The following PTPN5 variants were observed in gnomAD, a reference collection of about 807,000 sequenced individuals.
PTPN5 encodes the protein protein tyrosine phosphatase non-receptor type 5, also known as tyrosine-protein phosphatase non-receptor type 5.
In PTPN5, 29 loss-of-function variants were observed where a neutral mutation model predicts 73.9. The ratio of observed to expected loss-of-function variants is 0.39; its 90% confidence interval spans 0.29 to 0.54. The LOEUF (loss-of-function observed/expected upper bound fraction) is 0.54. Among genes scored for constraint, PTPN5 ranks in the 20% least tolerant of loss-of-function variants. The pLI is 0.65. For missense variants in PTPN5, 652 were observed against 751.4 expected, an observed-to-expected ratio of 0.87 and a Z score of 1.55; for synonymous variants, 267 against 304.7, an observed-to-expected ratio of 0.88 and a Z score of 1.29.
chr11:18,753,454 C>A (rs1209705336), intron 3 of PTPN5, among the ~76,000 whole-genome samples: 2 of 152,192 alleles, frequency 1.3e-5, no homozygotes, highest in African/African-American at 4.8e-5. Flanking sequence ...TAGTTTAATT[C>A]AATGGCTTCC....
rs774409617 is a variant in PTPN5, at chr11:18,729,589, G to A, written c.1491-23C>T. On this transcript the variant is annotated intron_variant, in intron 13 of 14. Coordinates refer to ENST00000358540, the MANE Select transcript of PTPN5 (RefSeq NM_006906.2). This position sits in a 1 kb window ranked among gnomAD's most constrained non-coding sequence, Gnocchi z 5.2. The stretch of plus-strand genomic sequence containing the variant: ...GCACTGAGGGCCGAGGGGACCGGTG[G>A]GGTGAGGGGCAGGGCAGCCCAGCGG... 3.2e-5 allele frequency: 51 copies of A among 1,574,056 alleles called. No homozygotes were observed. Among genetic ancestry groups the A allele is most frequent in the Non-Finnish European group, 4.1e-5 (48 of 1,156,812 alleles).
intron 2 of PTPN5, among the ~76,000 whole-genome samples, chr11:18,770,055 C>G (rs1030356674): frequency 1.3e-5 from 2 of 152,150 alleles, no homozygotes; most frequent in African/African-American, 4.8e-5. Context: ...AGTGGGGGAG[C>G]AGCAGCTTAC....
intron 3 of PTPN5, among the ~76,000 whole-genome samples, chr11:18,750,594 G>A (rs1362917636): frequency 2.6e-5 from 4 of 152,216 alleles, no homozygotes; most frequent in Non-Finnish European, 4.4e-5. Flanking sequence ...GATGGAGGGC[G>A]ATATAGGAGC....
At chr11:18,751,682 G>C (rs1404711408) in intron 3 of PTPN5, among the ~76,000 whole-genome samples, 1 of 152,180 alleles carries the variant, frequency 6.6e-6, no homozygotes, top group Non-Finnish European at 1.5e-5. Context: ...GGATGGGCGT[G>C]GGAAAAGGAA....
At chr11:18,730,174 G>A in intron 12 of PTPN5, 1 of 453,438 alleles carries the variant, frequency 2.2e-6, no homozygotes, top group South Asian at 5.2e-5. Context: ...ACATAACCCA[G>A]CCCCGGGACT....
At chr11:18,773,438 T>A (rs1851003989) in intron 1 of PTPN5, among the ~76,000 whole-genome samples, 1 of 151,970 alleles carries the variant, frequency 6.6e-6, no homozygotes, top group Non-Finnish European at 1.5e-5. Context: ...GAGGGCTGGA[T>A]CTCAGCCTGC....
chr11:18,763,448 T>G (rs1850491261), intron 3 of PTPN5, among the ~76,000 whole-genome samples: 1 of 152,222 alleles, frequency 6.6e-6, no homozygotes, highest in Admixed American at 6.5e-5. Flanking sequence ...CTTGGTCCTC[T>G]CATCTGTAAG....
chr11:18,730,098 C>A, intron 12 of PTPN5: 1 of 539,036 alleles, frequency 1.9e-6, no homozygotes, highest in South Asian at 2.6e-5. Context: ...AGAGCCCCTT[C>A]TCCAATTTAT....
At chr11:18,761,179 G>A (rs934779152) in intron 3 of PTPN5, among the ~76,000 whole-genome samples, 4 of 152,320 alleles carry the variant, frequency 2.6e-5, no homozygotes, top group African/African-American at 7.2e-5. Context: ...GCCTGCCCAC[G>A]AGTCTGCATG....
chr11:18,749,494 G>GGGGGTGGGGGC (rs756336602), intron 3 of PTPN5: 843 of 510,594 alleles, frequency 1.7e-3, no homozygotes, highest in East Asian at 2.7e-3. Context: ...AGGGTGGGGG[G>GGGGGTGGGGGC]CAGAACCTTG....
At chr11:18,753,696 C>T (rs550802037) in intron 3 of PTPN5, among the ~76,000 whole-genome samples, 1 of 152,254 alleles carries the variant, frequency 6.6e-6, no homozygotes, top group Non-Finnish European at 1.5e-5. Flanking sequence ...CTCACACAGT[C>T]CCCAAGGGAG....
At position 18,728,903 on chromosome 11, in the gene PTPN5, G is replaced by A. The variant is rs757252172; in HGVS notation, c.*31C>T. The stretch of plus-strand genomic sequence containing the variant: ...TGAGGGCCGAGACTCAGGCTGGGCA[G>A]TGCCCAGAGAACCTTGTAGGAGAAG... On this transcript the variant is annotated 3_prime_UTR_variant, in exon 15 of 15. Coordinates refer to ENST00000358540, the MANE Select transcript of PTPN5 (RefSeq NM_006906.2). The surrounding 1 kb of genome is among the most constrained non-coding windows in gnomAD (Gnocchi z 4.1). The A allele has an allele frequency of 1.3e-6, 2 of 1,597,296 alleles. No homozygotes were observed. The highest frequency in any genetic ancestry group is 1.1e-5 in the South Asian group (1 of 89,096).
intron 1 of PTPN5, among the ~76,000 whole-genome samples, chr11:18,784,606 G>A (rs971619523): frequency 6.6e-6 from 1 of 152,106 alleles, no homozygotes; most frequent in Non-Finnish European, 1.5e-5. Flanking sequence ...TATACTTAAC[G>A]CCACAAAATT....
At chr11:18,773,090 G>C (rs1850981629) in intron 1 of PTPN5, among the ~76,000 whole-genome samples, 1 of 152,114 alleles carries the variant, frequency 6.6e-6, no homozygotes, top group Non-Finnish European at 1.5e-5. Context: ...TCAAGGACTA[G>C]AAAGAAATGT....
chr11:18,745,207 T>C (rs1849559935), intron 3 of PTPN5, among the ~76,000 whole-genome samples: 1 of 152,194 alleles, frequency 6.6e-6, no homozygotes, highest in Non-Finnish European at 1.5e-5. Flanking sequence ...CATGGATGTA[T>C]ACAGTGTGAC....
At position 18,740,652 on chromosome 11, in the gene PTPN5, T is replaced by A; in HGVS notation, c.866A>T (p.Glu289Val). Residue 289 changes from glutamate to valine, a missense_variant, in exon 8 of 15, where the codon GAG (glutamate) becomes GTG (valine). Glu to Val is a moderately radical substitution (Grantham distance 121). This residue lies in a region of PTPN5 where 529 missense variants were observed against 573.9 expected (regional missense o/e 0.92). Transcript: ENST00000358540. ...LSASRVLQAE[E>V]LHEKALDPFL... ...AGGGTCCAGGGCCTTTTCATGAAGC[T>A]CTTCTGCTTGGAGGACACGGGAGGC... The A allele has an allele frequency of 6.3e-7, 1 of 1,597,690 alleles. No homozygotes were observed. The highest frequency in any genetic ancestry group is 8.5e-7 in the Non-Finnish European group (1 of 1,172,722).
At chr11:18,748,219 G>C (rs1358276359) in intron 3 of PTPN5, among the ~76,000 whole-genome samples, 1 of 152,194 alleles carries the variant, frequency 6.6e-6, no homozygotes, top group Non-Finnish European at 1.5e-5. Context: ...GAGTATGCGA[G>C]GCTCTGTGAG....
Position 18,729,469 on chromosome 11 carries a change from G to T in PTPN5, c.1588C>A (p.Gln530Lys), listed in dbSNP as rs772382740. ...TGGGCTGACCTGTCCTGACGGAGCT[G>T]GCACGTGGTCTTCAGGATGTCCACC... The part of the protein sequence containing the change: ...GVVDILKTTC[Q>K]LRQDRGGMIQ... The change falls in exon 14 of 15, where the codon CAG becomes AAG. Residue 530 changes from glutamine to lysine, a missense_variant. Physicochemically the swap from Gln to Lys is moderately conservative, Grantham distance 53. Around this residue, in one of 3 missense-constraint regions of PTPN5, gnomAD observed 102 missense variants for 160.5 expected, o/e 0.64. Transcript: ENST00000358540. The surrounding 1 kb of genome is among the most constrained non-coding windows in gnomAD (Gnocchi z 5.2). The T allele has an allele frequency of 3.9e-6, 6 of 1,554,962 alleles. No homozygotes were observed. Among genetic ancestry groups the T allele is most frequent in the Non-Finnish European group, 5.3e-6 (6 of 1,130,722 alleles).
chr11:18,731,778 C>T (rs929567397), intron 12 of PTPN5, among the ~76,000 whole-genome samples: 2 of 152,234 alleles, frequency 1.3e-5, no homozygotes, highest in African/African-American at 2.4e-5. Flanking sequence ...AGGGCCAAGT[C>T]TCCGGTCTTG....
Sources: gnomAD v4.1 joint callset for allele counts (sites outside exome capture counted in the v4.1 genomes callset) on GRCh38, gnomAD v4.1.1 for gene constraint, gnomAD v4.1.1 regional missense constraint, Gnocchi (gnomAD v3.1) non-coding constraint, MANE v1.5 for transcripts, NCBI Gene and HGNC (gene_info 2026-07-23, HGNC 2026-07-21) for gene names.